The following KRT31 variants were observed in gnomAD, a reference collection of about 807,000 sequenced individuals.
KRT31 encodes keratin, type I cuticular Ha1.
In KRT31, 27 loss-of-function variants were observed where a neutral mutation model predicts 40.8. That is an observed-to-expected ratio of 0.66 (90% CI 0.49 to 0.91). The LOEUF (loss-of-function observed/expected upper bound fraction) is 0.91, where lower values mean the gene tolerates loss of function less well. Among genes scored for constraint, KRT31 ranks in the 40% least tolerant of loss-of-function variants. The pLI, the probability that KRT31 is intolerant of heterozygous loss-of-function variation, is 0.00. For synonymous variants in KRT31, 231 were observed against 231.9 expected (o/e 1.00, Z 0.03); for missense variants, 510 against 544.1 (o/e 0.94, Z 0.62).
chr17:41,394,216 A>T (rs770317050), intron 6 of KRT31, 47 bp from the exon 7 acceptor site: 9 of 1,599,726 alleles, frequency 5.6e-6, no homozygotes, highest in South Asian at 1.1e-5. Context: ...GGGCAATTTT[A>T]AAATCATATG....
chr17:41,396,615 T>C (rs528935710), intron 2 of KRT31, 39 bp from the exon 3 acceptor site: 2 of 1,587,624 alleles, frequency 1.3e-6, no homozygotes, highest in African/African-American at 2.7e-5. Flanking sequence ...CTGGTAGATC[T>C]TCAAGACTCA....
At position 41,395,169 on chromosome 17, in the gene KRT31, T is replaced by C. The variant is rs1236962438; in HGVS notation, c.876+76A>G. The C allele has an allele frequency of 1.1e-5, 17 of 1,610,352 alleles. No homozygotes were observed. In the East Asian group the frequency reaches 2.7e-4, roughly 25 times the overall value. On this transcript the variant is annotated intron_variant, in intron 5 of 6. Transcript: ENST00000251645. Reference sequence around the variant, plus strand: ...CAAGCTCCAAGAGCTAAGGAGAGTGTGTGGCCCCAAGCACATCCCCGGGAC... The same window carrying C: ...CAAGCTCCAAGAGCTAAGGAGAGTGCGTGGCCCCAAGCACATCCCCGGGAC...
At position 41,397,554 on chromosome 17, in the gene KRT31, G is replaced by T; in HGVS notation, c.-15C>A. 3.8e-6 allele frequency: 6 copies of T among 1,589,078 alleles called. No homozygotes were observed. The highest frequency in any genetic ancestry group is 5.2e-6 in the Non-Finnish European group (6 of 1,161,444). ...TTGTAGGGCATAGTGCTGGGAGGGA[G>T]GGAGGGAGTGCCTGGCTGAAGACAG... On this transcript the variant is annotated 5_prime_UTR_variant, in exon 1 of 7. Transcript: ENST00000251645.
At chr17:41,396,694 C>T in intron 2 of KRT31, 118 bp from the exon 3 acceptor site, 2 of 1,242,262 alleles carry the variant, frequency 1.6e-6, no homozygotes, top group South Asian at 1.5e-5. Context: ...GCCCAGGAGA[C>T]AGAGGTTTCT....
rs187425812 is a variant in KRT31 at position 41,395,544 on chromosome 17, C to T, written c.668G>A (p.Arg223Gln). The T allele has an allele frequency of 6.9e-5, 112 of 1,614,208 alleles. No homozygotes were observed. The highest frequency in any genetic ancestry group is 2.3e-4 in the Admixed American group (14 of 60,024). The change falls in exon 4 of 7, where the codon CGG (arginine) becomes CAG (glutamine). Residue 223 changes from arginine to glutamine, a missense_variant. Transcript: ENST00000251645. ...VDAAPTVDLN[R>Q]VLNETRSQYE... ...CTGACTCCTGGTCTCGTTCAGCACC[C>T]GATTCAGGTCCACAGTGGGAGCAGC...
At position 41,393,735 on chromosome 17, in the gene KRT31, A is replaced by G; in HGVS notation, c.*281T>C. 1 of 442,926 alleles carries G rather than the reference A, an allele frequency of 2.3e-6. No individual in the cohort carries two copies. Among genetic ancestry groups the G allele is most frequent in the Non-Finnish European group, 3.9e-6 (1 of 253,386 alleles). 27.4% of individuals were successfully genotyped at this position (442,926 alleles called of 1,614,324 possible). A position where few individuals can be genotyped will look rare whatever the true frequency, so the allele number is the denominator to read the frequency against. On this transcript the variant is annotated 3_prime_UTR_variant, in exon 7 of 7. Coordinates refer to ENST00000251645, the MANE Select transcript of KRT31 (RefSeq NM_002277.3). Reference sequence around the variant, plus strand: ...AAAAAGGCATCTGCTTTGCCAAGGAAATGATATTTATTAGGAGGTTAAAAG... The same window carrying G: ...AAAAAGGCATCTGCTTTGCCAAGGAGATGATATTTATTAGGAGGTTAAAAG...
intron 6 of KRT31, 99 bp downstream of exon 6, chr17:41,394,746 AAGG>A: frequency 3.2e-6 from 5 of 1,561,330 alleles, no homozygotes; most frequent in Non-Finnish European, 4.3e-6. Flanking sequence ...GTCTAGTGTG[AAGG>A]CATAATTTCC....
chr17:41,397,383 T>C lies in KRT31; in HGVS notation c.157A>G (p.Asn53Asp). Residue 53 changes from asparagine (N) to aspartate (D), a missense_variant, in exon 1 of 7, where the codon AAT (asparagine) becomes GAT (aspartate). By Grantham distance (23) the Asn-to-Asp change is conservative. Transcript: ENST00000251645. ...NCNWFCEGSF[N>D]GSEKETMQFL... is the part of the protein sequence containing the mutation. ...TGCATAGTCTCCTTCTCGCTACCAT[T>C]GAAGGAGCCCTCGCAGAACCAGTTG... The C allele has an allele frequency of 6.2e-7, 1 of 1,613,080 alleles. No homozygotes were observed. The highest frequency in any genetic ancestry group is 1.1e-5 in the South Asian group (1 of 91,032).
At position 41,395,020 on chromosome 17, in the gene KRT31, A is replaced by C. The variant is rs778625274; in HGVS notation, c.925T>G (p.Ser309Ala). The C allele has an allele frequency of 9.7e-5, 157 of 1,614,094 alleles. 1 individual carries two copies. Among genetic ancestry groups the C allele is most frequent in the Non-Finnish European group, 1.2e-4 (140 of 1,180,054 alleles). Residue 309 changes from serine to alanine, a missense_variant, in exon 6 of 7, where the codon TCC (serine) becomes GCC (alanine). Transcript: ENST00000251645. Reference protein sequence around the residue: ...TLTESEARYSSQLSQVQSLIT... With the variant: ...TLTESEARYSAQLSQVQSLIT... ...AGGCTCTGCACCTGGGACAGCTGGG[A>C]GCTGTAGCGGGCCTCACTCTCTGTC...
intron 6 of KRT31, 132 bp from the exon 7 acceptor site, chr17:41,394,301 T>C: frequency 1.2e-6 from 1 of 857,006 alleles, no homozygotes; most frequent in Non-Finnish European, 1.8e-6. Flanking sequence ...AGGCACAGAC[T>C]CCCCTGCTAC....
Position 41,396,567 on chromosome 17 carries a change from G to T in KRT31, c.441C>A (p.Thr147=). ...AADDFRTKYQ[T]ELSLRQLVES... ...CCACCAGCTGCCGCAGGGACAGCTC[G>T]GTCTGGTACCTGCGCAAGGACAGGG... Residue 147 remains threonine (T), a synonymous_variant, in exon 3 of 7, where the codon ACC becomes ACA. Coordinates refer to ENST00000251645, the MANE Select transcript of KRT31 (RefSeq NM_002277.3). The T allele has an allele frequency of 1.2e-6, 2 of 1,613,744 alleles. No individual in the cohort carries two copies. Among genetic ancestry groups the T allele is most frequent in the Non-Finnish European group, 1.7e-6 (2 of 1,179,792 alleles).
At chr17:41,394,744 T>G in intron 6 of KRT31, 104 bp downstream of exon 6, 1 of 1,559,084 alleles carries the variant, frequency 6.4e-7, no homozygotes, top group Non-Finnish European at 8.7e-7. Flanking sequence ...ATGTCTAGTG[T>G]GAAGGCATAA....
chr17:41,394,678 A>G, intron 6 of KRT31, 170 bp downstream of exon 6: 1 of 835,628 alleles, frequency 1.2e-6, no homozygotes, highest in Non-Finnish European at 1.4e-6. Context: ...TCTTGCTACC[A>G]AACCATTTAT....
In KRT31 at chr17:41,397,187, C is replaced by A. The variant is rs2018244600; in HGVS notation, c.348+5G>T. The stretch of plus-strand genomic sequence containing the variant: ...TTGCTTGGAGATGACAGCAATGCCG[C>A]TCACCTTCTGCTGGAGCTCCTCAAT... On this transcript the variant is annotated splice_donor_5th_base_variant and intron_variant, in intron 1 of 6. Transcript: ENST00000251645. The A allele has an allele frequency of 6.2e-7, 1 of 1,612,922 alleles. No homozygotes were observed. Among genetic ancestry groups the A allele is most frequent in the African/African-American group, 1.3e-5 (1 of 74,898 alleles).
At chr17:41,395,210 C>T in intron 5 of KRT31, 35 bp downstream of exon 5, 1 of 1,612,328 alleles carries the variant, frequency 6.2e-7, no homozygotes, top group Non-Finnish European at 8.5e-7. Context: ...CTCCCAAGTT[C>T]CCGTCGCTCA....
chr17:41,396,291 TACCG>T, intron 3 of KRT31, 125 bp downstream of exon 3: 1 of 829,336 alleles, frequency 1.2e-6, no homozygotes, highest in Non-Finnish European at 1.8e-6. Context: ...ATTTTTCTCT[TACCG>T]TGATGTTTTC....
In KRT31 at chr17:41,393,932, A is replaced by G. The variant is rs2018174385; in HGVS notation, c.*84T>C. ...CTCCAGCCATGCAAATGATGTTTTC[A>G]GGCCCCTTTTGTTGAACCAGAGCCA... On this transcript the variant is annotated 3_prime_UTR_variant, in exon 7 of 7. Coordinates refer to ENST00000251645, the MANE Select transcript of KRT31 (RefSeq NM_002277.3). 33 of 1,465,256 alleles carry G rather than the reference A, an allele frequency of 2.3e-5. No individual in the cohort carries two copies. The South Asian group carries it at 3.8e-4, about 17-fold the overall frequency. The allele number at this position is 1,465,256 out of a possible 1,614,324, so 90.8% of individuals were successfully genotyped here.
At chr17:41,395,790 C>T (rs2018216548) in intron 3 of KRT31, among the ~76,000 whole-genome samples, 167 bp from the exon 4 acceptor site, 1 of 152,222 alleles carries the variant, frequency 6.6e-6, no homozygotes, top group Admixed American at 6.5e-5. Flanking sequence ...CCCCTCCCCA[C>T]CATCTGCTGT....
intron 6 of KRT31, 23 bp downstream of exon 6, chr17:41,394,825 A>G (rs2018190198): frequency 6.2e-7 from 1 of 1,612,738 alleles, no homozygotes; most frequent in South Asian, 1.1e-5. Context: ...CATTTCATCA[A>G]ACACGTCTGC....
Sources: allele counts gnomAD v4.1 joint callset (sites outside exome capture counted in the v4.1 genomes callset), GRCh38; gene constraint gnomAD v4.1.1; transcripts MANE v1.5; gene names NCBI Gene and HGNC (gene_info 2026-07-23, HGNC 2026-07-21).